FANCC: variants seen among roughly 807,000 people sequenced by gnomAD.
FANCC encodes FA complementation group C.
Under a neutral mutation model 71.3 loss-of-function variants are expected in FANCC, and 55 were observed. The observed-to-expected ratio is 0.77, with a 90% CI of 0.62 to 0.97. FANCC has a LOEUF of 0.97. Ranked by LOEUF, FANCC falls within the 50% of genes least tolerant of loss-of-function variation. The pLI is 0.00. For missense variants in FANCC, 678 were observed against 670.9 expected (o/e 1.01, Z -0.12); for synonymous variants, 275 against 244.9 (o/e 1.12, Z -1.15).
At chr9:95,254,473 T>C (rs945464157) in intron 1 of FANCC, among the ~76,000 whole-genome samples, 3 of 152,012 alleles carry the variant, frequency 2.0e-5, no homozygotes, top group Non-Finnish European at 4.4e-5. Flanking sequence ...AGAAGCACAA[T>C]GGATTGGGGA....
At chr9:95,246,310 C>CA (rs1830976429) in intron 3 of FANCC, among the ~76,000 whole-genome samples, 1 of 152,198 alleles carries the variant, frequency 6.6e-6, no homozygotes, top group African/African-American at 2.4e-5. Flanking sequence ...GGCGTCCACG[C>CA]ACGCCTGCTC....
intron 4 of FANCC, among the ~76,000 whole-genome samples, chr9:95,211,058 A>G (rs1828463480): frequency 6.6e-6 from 1 of 152,230 alleles, no homozygotes. Context: ...AACCCTAGCA[A>G]GCTATTATAT....
intron 1 of FANCC, among the ~76,000 whole-genome samples, chr9:95,258,278 C>T (rs918756137): frequency 2.6e-5 from 4 of 152,066 alleles, no homozygotes; most frequent in Non-Finnish European, 5.9e-5. Flanking sequence ...AACATCAATG[C>T]GAAAATCCTC....
Position 95,249,120 on chromosome 9 carries a change from T to C in FANCC, c.165+7A>G, listed in dbSNP as rs1554858246. On this transcript the variant is annotated splice_region_variant and intron_variant, in intron 2 of 14. Coordinates refer to ENST00000289081, the MANE Select transcript of FANCC (RefSeq NM_000136.3). ...AAATAATTTCATTATTCTGGTCCAC[T>C]ACTTACCATCTCTTTCAAGGCTTCA... 9.9e-6 allele frequency: 16 copies of C among 1,613,698 alleles called. No homozygotes were observed. The highest frequency in any genetic ancestry group is 1.4e-5 in the Non-Finnish European group (16 of 1,179,786).
intron 4 of FANCC, among the ~76,000 whole-genome samples, chr9:95,206,769 A>G (rs1828146364): frequency 6.6e-6 from 1 of 152,218 alleles, no homozygotes; most frequent in Non-Finnish European, 1.5e-5. Context: ...GAATACCAAG[A>G]AACATAGCAG....
intron 14 of FANCC, 138 bp from the exon 15 acceptor site, chr9:95,101,988 C>G: frequency 1.0e-6 from 1 of 987,392 alleles, no homozygotes; most frequent in Non-Finnish European, 1.5e-6. Flanking sequence ...AGTAAAGCAT[C>G]AGGGGCTCTA....
At chr9:95,155,257 G>GAGGGGAGGGGAGGGA (rs1305935923) in intron 6 of FANCC, among the ~76,000 whole-genome samples, 3 of 6,738 alleles carry the variant, frequency 4.5e-4, no homozygotes, top group African/African-American at 7.5e-4. Context: ...GAGGGGAGGG[G>GAGGGGAGGGGAGGGA]AGGGGAGGGG....
rs369562644 is a variant in FANCC, at chr9:95,126,378, T to C, written c.896+151A>G. ...ACACTGATTTTTGAGTTTTTACCTC[T>C]AATTACCAAAAAGCTCAGAGGAACA... On this transcript the variant is annotated intron_variant, in intron 9 of 14. Transcript: ENST00000289081. 2.8e-5 allele frequency: 21 copies of C among 755,302 alleles called. 2 individuals are homozygous for C. In the South Asian group the frequency reaches 3.3e-4, roughly 12 times the overall value. 46.8% of individuals were successfully genotyped at this position (755,302 alleles called of 1,614,324 possible).
At chr9:95,265,242 GC>G (rs1832316237) in intron 1 of FANCC, among the ~76,000 whole-genome samples, 1 of 152,110 alleles carries the variant, frequency 6.6e-6, no homozygotes, top group Non-Finnish European at 1.5e-5. Context: ...ATTGGAGGAG[GC>G]AACTTCAATC....
intron 1 of FANCC, among the ~76,000 whole-genome samples, chr9:95,295,315 A>T (rs114376938): frequency 6.6e-6 from 1 of 152,196 alleles, no homozygotes; most frequent in Admixed American, 6.5e-5. Flanking sequence ...TCCAGAATAT[A>T]TTATATAAGG....
intron 4 of FANCC, among the ~76,000 whole-genome samples, chr9:95,187,290 C>A (rs908532883): frequency 7.2e-5 from 11 of 152,146 alleles, no homozygotes; most frequent in African/African-American, 2.7e-4. Context: ...AGCTGCGTAA[C>A]CCCAGTTCCT....
chr9:95,251,362 C>T (rs147718297), intron 1 of FANCC, among the ~76,000 whole-genome samples: 2 of 152,194 alleles, frequency 1.3e-5, no homozygotes, highest in East Asian at 3.9e-4. Context: ...ATCTCCCAGG[C>T]TGGAGTTAAG....
intron 1 of FANCC, among the ~76,000 whole-genome samples, chr9:95,280,317 A>G (rs1329889062): frequency 6.6e-6 from 1 of 152,190 alleles, no homozygotes; most frequent in South Asian, 2.1e-4. Flanking sequence ...AGACAATTGA[A>G]TATTAATCGC....
At chr9:95,256,518 ACAAGAGCT>A (rs1831667099) in intron 1 of FANCC, among the ~76,000 whole-genome samples, 1 of 152,190 alleles carries the variant, frequency 6.6e-6, no homozygotes, top group South Asian at 2.1e-4. Flanking sequence ...GGCCTGCCTT[ACAAGAGCT>A]CTTGAAGGAA....
chr9:95,181,350 C>T (rs1714495780), intron 4 of FANCC, among the ~76,000 whole-genome samples: 1 of 152,118 alleles, frequency 6.6e-6, no homozygotes, highest in African/African-American at 2.4e-5. Context: ...TTCAAACAGA[C>T]ACCTCAAACT....
At chr9:95,232,622 T>A (rs555777754) in intron 4 of FANCC, among the ~76,000 whole-genome samples, 1 of 152,332 alleles carries the variant, frequency 6.6e-6, no homozygotes, top group South Asian at 2.1e-4. Context: ...AATGTTTTTT[T>A]ATGCCCCAAA....
At position 95,099,753 on chromosome 9, in the gene FANCC, CCGTGAGAGGACT is replaced by C. The variant is rs2071017439; in HGVS notation, c.*1942_*1953del. On this transcript the variant is annotated 3_prime_UTR_variant, in exon 15 of 15. Transcript: ENST00000289081. Reference sequence around the variant, plus strand: ...ACCGGCAAGGCCGCCTCCACCGCACCCGTGAGAGGACTCGGCAGCTGTGAAGGAACTGGGAGA... The same window carrying C: ...ACCGGCAAGGCCGCCTCCACCGCACCCGGCAGCTGTGAAGGAACTGGGAGA... The C allele has an allele frequency of 4.3e-6, 1 of 232,450 alleles. No individual in the cohort carries two copies. Among genetic ancestry groups the C allele is most frequent in the African/African-American group, 2.2e-5 (1 of 45,298 alleles). The allele number at this position is 232,450 out of a possible 1,614,324, so 14.4% of individuals were successfully genotyped here. A position where few individuals can be genotyped will look rare whatever the true frequency, so the allele number is the denominator to read the frequency against.
chr9:95,263,691 G>A (rs1437704395), intron 1 of FANCC, among the ~76,000 whole-genome samples: 1 of 152,048 alleles, frequency 6.6e-6, no homozygotes, highest in Non-Finnish European at 1.5e-5. Context: ...GCACACTAGT[G>A]AGCGAATGCG....
At chr9:95,291,417 T>C (rs1833989392) in intron 1 of FANCC, among the ~76,000 whole-genome samples, 1 of 152,104 alleles carries the variant, frequency 6.6e-6, no homozygotes, top group South Asian at 2.1e-4. Flanking sequence ...TTAGTGTTTC[T>C]ATACACCAAA....
Sources: allele counts gnomAD v4.1 joint callset (sites outside exome capture counted in the v4.1 genomes callset), GRCh38; gene constraint gnomAD v4.1.1; transcripts MANE v1.5; gene names NCBI Gene and HGNC (gene_info 2026-07-23, HGNC 2026-07-21).